The following STPG4 variants were observed in gnomAD, a reference collection of about 807,000 sequenced individuals.
STPG4 encodes sperm-tail PG-rich repeat containing 4.
Under a neutral mutation model 31.5 loss-of-function variants are expected in STPG4, and 41 were observed. That is an observed-to-expected ratio of 1.30 (90% CI 1.01 to 1.69). The LOEUF is 1.69. STPG4 is among the 40% of genes most tolerant of loss of function. The probability of loss-of-function intolerance (pLI) is 0.00; values close to 1 mark genes in which losing one functional copy is unlikely to be tolerated. For missense variants in STPG4, 375 were observed against 293.4 expected (o/e 1.28, Z -2.03); for synonymous variants, 141 against 103.0 (o/e 1.37, Z -2.24).
intron 3 of STPG4, among the ~76,000 whole-genome samples, chr2:47,136,219 C>T (rs1241862098): frequency 1.3e-5 from 2 of 152,062 alleles, no homozygotes; most frequent in Non-Finnish European, 2.9e-5. Flanking sequence ...AATCTCAGCT[C>T]ACTGCAACCT....
rs1158902011 is a variant in STPG4, at chr2:47,087,010, A to G, written c.745T>C (p.Ter249GlnextTer?). 2 of 1,551,706 alleles carry G rather than the reference A, an allele frequency of 1.3e-6. No individual in the cohort carries two copies. Among genetic ancestry groups the G allele is most frequent in the Admixed American group, 2.0e-5 (1 of 51,004 alleles). The change falls in exon 7 of 7, where the codon TAA becomes CAA. Residue 249 changes from the stop codon to glutamine, a stop_lost. Transcript: ENST00000445927. ...TAGAGCTTGGTGCCAAGATCACTTT[A>G]TTTTAAAAGCCAATTGTTGTTGTTG... The part of the protein sequence containing the change: ...FFNNNNWLLK[*>Q]
intron 5 of STPG4, among the ~76,000 whole-genome samples, chr2:47,114,081 A>G (rs916953772): frequency 6.6e-6 from 1 of 151,566 alleles, no homozygotes; most frequent in Non-Finnish European, 1.5e-5. Context: ...AGAAAAGACT[A>G]TGCATTGGGC....
At chr2:47,107,620 C>T (rs544942805) in intron 5 of STPG4, among the ~76,000 whole-genome samples, 3 of 152,142 alleles carry the variant, frequency 2.0e-5, no homozygotes, top group Non-Finnish European at 4.4e-5. Flanking sequence ...GCCCCCTGCT[C>T]CATGGCACCC....
At chr2:47,135,997 C>A (rs1686587679) in intron 3 of STPG4, among the ~76,000 whole-genome samples, 1 of 152,094 alleles carries the variant, frequency 6.6e-6, no homozygotes, top group Non-Finnish European at 1.5e-5. Context: ...ATACTTTAGA[C>A]TGTTTGTTGA....
rs146329920 is a variant in STPG4 at position 47,097,812 on chromosome 2, C to T, written c.520-7438G>A. Among the ~76,000 whole-genome samples the T allele has an allele frequency of 3.9e-5, 6 of 152,212 alleles. No homozygotes were observed. In the East Asian group the frequency reaches 1.2e-3, roughly 29 times the overall value. On this transcript the variant is annotated intron_variant, in intron 5 of 6. Transcript: ENST00000445927. ...GTGTATTCACAGATGTCTGCATAGG[C>T]TCCTGTCAAAAAATGCACTGAGGGG...
chr2:47,131,924 G>A (rs1226477120), intron 3 of STPG4, among the ~76,000 whole-genome samples: 1 of 152,162 alleles, frequency 6.6e-6, no homozygotes, highest in Non-Finnish European at 1.5e-5. Context: ...CAACACTTCG[G>A]GAAGCCGAGG....
intron 3 of STPG4, among the ~76,000 whole-genome samples, chr2:47,130,486 T>C (rs1686456174): frequency 2.6e-5 from 4 of 152,204 alleles, no homozygotes; most frequent in Admixed American, 2.6e-4. Context: ...CCTGAGATGC[T>C]GCATAGGAAA....
chr2:47,110,788 C>T (rs1686017830), intron 5 of STPG4, among the ~76,000 whole-genome samples: 1 of 152,158 alleles, frequency 6.6e-6, no homozygotes, highest in African/African-American at 2.4e-5. Flanking sequence ...TTTCACTACA[C>T]ATTAGATCAT....
At chr2:47,137,483 C>G (rs35206348) in intron 3 of STPG4, among the ~76,000 whole-genome samples, 1 of 152,166 alleles carries the variant, frequency 6.6e-6, no homozygotes, top group Non-Finnish European at 1.5e-5. Flanking sequence ...TATGATGACA[C>G]TGGCCTAATA....
chr2:47,151,599 G>T (rs1352097272), intron 2 of STPG4, 84 bp from the exon 3 acceptor site: 1 of 1,090,276 alleles, frequency 9.2e-7, no homozygotes, highest in Non-Finnish European at 1.4e-6. Flanking sequence ...AAGCTCCCAA[G>T]TAACATCTCT....
chr2:47,153,863 C>T (rs1686980704), intron 1 of STPG4, among the ~76,000 whole-genome samples: 1 of 152,164 alleles, frequency 6.6e-6, no homozygotes, highest in South Asian at 2.1e-4. Context: ...TTTTTAACAT[C>T]CCATTTGCCA....
intron 5 of STPG4, 28 bp downstream of exon 5, chr2:47,129,913 A>G: frequency 1.9e-6 from 3 of 1,603,596 alleles, no homozygotes; most frequent in Non-Finnish European, 2.5e-6. Context: ...CAAATTCATC[A>G]TGAGTTAACT....
At chr2:47,145,667 T>C (rs568700577) in intron 3 of STPG4, among the ~76,000 whole-genome samples, 1 of 152,310 alleles carries the variant, frequency 6.6e-6, no homozygotes, top group African/African-American at 2.4e-5. Context: ...AGATTTCAGG[T>C]ATTTGAGTAA....
intron 3 of STPG4, among the ~76,000 whole-genome samples, chr2:47,134,646 G>A (rs1686560195): frequency 6.6e-6 from 1 of 152,216 alleles, no homozygotes; most frequent in South Asian, 2.1e-4. Flanking sequence ...GGGCAATTAT[G>A]AATAAAGCTG....
chr2:47,096,584 T>A (rs1030748585), intron 5 of STPG4, among the ~76,000 whole-genome samples: 1 of 152,240 alleles, frequency 6.6e-6, no homozygotes, highest in Non-Finnish European at 1.5e-5. Flanking sequence ...GTAGGAATTC[T>A]CTTCCATTCA....
At position 47,155,193 on chromosome 2, in the gene STPG4, C is replaced by T. The variant is rs747125671; in HGVS notation, c.59G>A (p.Gly20Glu). ...TACCGAAGCTGTGATGAATGATTCTCCACCCACCAGGTCTTCCCTTATTGA... is the reference window on the plus strand; with the variant it reads ...TACCGAAGCTGTGATGAATGATTCTTCACCCACCAGGTCTTCCCTTATTGA... ...STSIREDLVG[G>E]ESFITASKPA... Residue 20 changes from glycine to glutamate, a missense_variant, in exon 1 of 7, where the codon GGA (glycine) becomes GAA (glutamate). By Grantham distance (98) the Gly-to-Glu change is moderately conservative. Transcript: ENST00000445927. The T allele has an allele frequency of 1.2e-6, 2 of 1,614,154 alleles. No individual in the cohort carries two copies. Among genetic ancestry groups the T allele is most frequent in the Admixed American group, 1.7e-5 (1 of 60,024 alleles).
chr2:47,111,933 A>G (rs1368790893), intron 5 of STPG4, among the ~76,000 whole-genome samples: 1 of 152,242 alleles, frequency 6.6e-6, no homozygotes, highest in African/African-American at 2.4e-5. Flanking sequence ...GGGACAAAAT[A>G]TAATTCACCT....
At chr2:47,127,252 CTTTTTT>C (rs57475505) in intron 5 of STPG4, among the ~76,000 whole-genome samples, 4 of 57,474 alleles carry the variant, frequency 7.0e-5, no homozygotes, top group Admixed American at 2.6e-4. Context: ...CAAGCTAATT[CTTTTTT>C]TTTTTTTTTT....
At position 47,115,551 on chromosome 2, in the gene STPG4, G is replaced by T. The variant is rs58890203; in HGVS notation, c.519+14390C>A. Among the ~76,000 whole-genome samples the T allele has an allele frequency of 9.6e-3, 1,442 of 150,448 alleles. 26 individuals carry two copies. Among genetic ancestry groups the T allele is most frequent in the African/African-American group, 0.033 (1,352 of 40,998 alleles). On this transcript the variant is annotated intron_variant, in intron 5 of 6. Transcript: ENST00000445927. ...TCTCATCTTTCTGAGGATGCTAATT[G>T]TATTTTTAAAAAATCTTCCCCTTCT...
Sources: allele counts gnomAD v4.1 joint callset (sites outside exome capture counted in the v4.1 genomes callset), GRCh38; gene constraint gnomAD v4.1.1; transcripts MANE v1.5; gene names NCBI Gene and HGNC (gene_info 2026-07-23, HGNC 2026-07-21).